TAB2: variants seen among roughly 807,000 people sequenced by gnomAD.
TAB2 encodes the protein TGF-beta activated kinase 1 (MAP3K7) binding protein 2, also known as TGF-beta-activated kinase 1 and MAP3K7-binding protein 2.
Under a neutral mutation model 65.0 loss-of-function variants are expected in TAB2, and 3 were observed. The ratio of observed to expected loss-of-function variants is 0.05; its 90% CI spans 0.02 to 0.12. The LOEUF is 0.12. Among genes scored for constraint, TAB2 ranks in the 10% least tolerant of loss-of-function variants. TAB2 has a pLI of 1.00. For synonymous variants in TAB2, 298 were observed against 285.1 expected, an observed-to-expected ratio of 1.05 and a Z score of -0.46; for missense variants, 623 against 840.3, an observed-to-expected ratio of 0.74 and a Z score of 3.20.
intron 1 of TAB2, among the ~76,000 whole-genome samples, chr6:149,262,042 T>C (rs1414614721): frequency 6.6e-6 from 1 of 152,196 alleles, no homozygotes; most frequent in African/African-American, 2.4e-5. Flanking sequence ...CTTGAAGAAA[T>C]GACATGTTTA....
At chr6:149,392,173 C>T (rs1782010711) in intron 3 of TAB2, among the ~76,000 whole-genome samples, 1 of 151,508 alleles carries the variant, frequency 6.6e-6, no homozygotes, top group African/African-American at 2.4e-5. Flanking sequence ...CAGAGTCTCA[C>T]TTTGTCGCCC....
At chr6:149,278,616 C>A (rs1413764723) in intron 1 of TAB2, among the ~76,000 whole-genome samples, 3 of 152,036 alleles carry the variant, frequency 2.0e-5, no homozygotes, top group Non-Finnish European at 4.4e-5. Flanking sequence ...AGGGGAGTTA[C>A]TTAAGGTCAA....
intron 6 of TAB2, chr6:149,400,938 GA>G: frequency 6.9e-6 from 3 of 437,888 alleles, no homozygotes; most frequent in Non-Finnish European, 1.2e-5. Flanking sequence ...GACAGGATGG[GA>G]AAAAATACTG....
At chr6:149,397,225 T>A (rs1782201215) in intron 3 of TAB2, among the ~76,000 whole-genome samples, 1 of 152,204 alleles carries the variant, frequency 6.6e-6, no homozygotes, top group African/African-American at 2.4e-5. Context: ...GCGGATCACC[T>A]GGGGTCCAGA....
At chr6:149,322,175 A>C (rs987863437) in intron 1 of TAB2, among the ~76,000 whole-genome samples, 1 of 152,174 alleles carries the variant, frequency 6.6e-6, no homozygotes, top group African/African-American at 2.4e-5. Flanking sequence ...ATTGAAGAAC[A>C]GACAAAAATA....
upstream of TAB2, chr6:149,218,500 C>T (rs1348574936): frequency 6.2e-6 from 1 of 161,726 alleles, no homozygotes; most frequent in Non-Finnish European, 1.4e-5. Flanking sequence ...AAGTCTTGGA[C>T]TGACACTGGT....
At chr6:149,352,963 T>G (rs576382199) in intron 1 of TAB2, among the ~76,000 whole-genome samples, 1 of 152,314 alleles carries the variant, frequency 6.6e-6, no homozygotes, top group South Asian at 2.1e-4. Flanking sequence ...TTTAAGGTTT[T>G]GGCACCTTTT....
At chr6:149,245,462 A>G (rs1485308248) in intron 1 of TAB2, 1 of 151,846 alleles carries the variant, frequency 6.6e-6, no homozygotes, top group African/African-American at 2.4e-5. Context: ...TTACCATGAC[A>G]TTTTTCCTTG....
rs1298336581 is a variant in TAB2 at position 149,403,313 on chromosome 6, T to TATAC, written c.1939+4130_1939+4131insTACA. On this transcript the variant is annotated intron_variant, in intron 6 of 6. Transcript: ENST00000637181. ...ACACACACATATATATATATATATA[T>TATAC]ACACACACATATATATACATATATA... Among the ~76,000 whole-genome samples the TATAC allele has an allele frequency of 3.2e-3, 214 of 66,846 alleles. 7 individuals are homozygous for TATAC. The highest frequency in any genetic ancestry group is 5.3e-3 in the Non-Finnish European group (183 of 34,296). The allele number at this position is 66,846 out of a possible 152,430, so 43.9% of individuals were successfully genotyped here.
chr6:149,252,636 T>C (rs1012759637), intron 1 of TAB2, among the ~76,000 whole-genome samples: 1 of 152,206 alleles, frequency 6.6e-6, no homozygotes, highest in Non-Finnish European at 1.5e-5. Flanking sequence ...TAATTATTTA[T>C]CTTGATTAAA....
rs1224444738 is a variant in TAB2, at chr6:149,409,522, A to G, written c.1940-55A>G. On this transcript the variant is annotated intron_variant, in intron 6 of 6. Coordinates refer to ENST00000637181, the MANE Select transcript of TAB2 (RefSeq NM_001292034.3). ...CAAATGGTGTTTAAAGTTGCCTGTA[A>G]TTTTTTAGACTTTGTGATTTTTTAC... 7 of 1,555,132 alleles carry G rather than the reference A, an allele frequency of 4.5e-6. No individual in the cohort carries two copies. In the South Asian group the frequency reaches 4.5e-5, roughly 10 times the overall value.
chr6:149,218,861 G>A, intron 1 of TAB2: 3 of 445,862 alleles, frequency 6.7e-6, no homozygotes, highest in East Asian at 7.0e-5. Context: ...CTGTAGAAAT[G>A]CCTGGGAAAT....
chr6:149,258,374 C>T lies in TAB2; in HGVS notation c.-121+39598C>T, dbSNP rs372323375. Among the ~76,000 whole-genome samples the T allele has an allele frequency of 3.1e-4, 47 of 151,988 alleles. 1 individual carries two copies. In the East Asian group the frequency reaches 7.2e-3, roughly 23 times the overall value. On this transcript the variant is annotated intron_variant, in intron 1 of 1. Transcript: ENST00000606202. ...TTAGGAAAATATAGACACACAATGG[C>T]TCTCACATGCCAGAGTGAGCCCCCT...
At chr6:149,337,561 T>A (rs142942309) in intron 1 of TAB2, among the ~76,000 whole-genome samples, 5 of 152,312 alleles carry the variant, frequency 3.3e-5, no homozygotes, top group African/African-American at 1.2e-4. Flanking sequence ...ATAGAAAATT[T>A]CAAAGTTTCA....
intron 1 of TAB2, among the ~76,000 whole-genome samples, chr6:149,344,857 A>G (rs1007702312): frequency 6.6e-6 from 1 of 152,208 alleles, no homozygotes; most frequent in African/African-American, 2.4e-5. Context: ...TATTGTAAAA[A>G]GTAACTGAAA....
chr6:149,285,735 T>C lies in TAB2; in HGVS notation c.-121+66959T>C, dbSNP rs963913240. On this transcript the variant is annotated intron_variant, in intron 1 of 1. Transcript: ENST00000606202. ...TGGCTTCAGGTGAAAGTGGCTGGGG[T>C]AGGTGGACAAACTGACGTGCTTGTA... Among the ~76,000 whole-genome samples, 4 of 151,968 alleles carry C rather than the reference T, an allele frequency of 2.6e-5. No homozygotes were observed. In the South Asian group the frequency reaches 8.3e-4, roughly 32 times the overall value.
chr6:149,374,354 G>A (rs1483200984), intron 2 of TAB2, among the ~76,000 whole-genome samples: 4 of 152,014 alleles, frequency 2.6e-5, no homozygotes, highest in Admixed American at 1.3e-4. Flanking sequence ...TGAGTAGCTG[G>A]GGCTGCAGGT....
intron 1 of TAB2, among the ~76,000 whole-genome samples, chr6:149,235,547 C>G (rs373287804): frequency 3.9e-5 from 6 of 152,244 alleles, no homozygotes; most frequent in Admixed American, 1.3e-4. Context: ...CTAGCTTGAG[C>G]AAAAAGATAC....
At chr6:149,248,496 GAGAA>G (rs780095853) in intron 1 of TAB2, among the ~76,000 whole-genome samples, 27 of 150,368 alleles carry the variant, frequency 1.8e-4, no homozygotes, top group African/African-American at 5.9e-4. Context: ...GAGAGAGAGA[GAGAA>G]AGAGAGAAAG....
Sources: gnomAD v4.1 joint callset for allele counts (sites outside exome capture counted in the v4.1 genomes callset) on GRCh38, gnomAD v4.1.1 for gene constraint, MANE v1.5 for transcripts, NCBI Gene and HGNC (gene_info 2026-07-23, HGNC 2026-07-21) for gene names.